The following ALAD variants were observed in gnomAD, a reference collection of about 807,000 sequenced individuals.
The protein encoded by ALAD is delta-aminolevulinic acid dehydratase.
ALAD carries 20 observed loss-of-function variants against 44.4 expected under a neutral mutation model. The observed-to-expected ratio is 0.45, with a 90% confidence interval of 0.32 to 0.65. The LOEUF is 0.65. Ranked by LOEUF, ALAD falls within the 30% of genes least tolerant of loss-of-function variation. The pLI is 0.05. For synonymous variants in ALAD, 156 were observed against 167.9 expected (o/e 0.93, Z 0.55); for missense variants, 323 against 445.7 (o/e 0.72, Z 2.48).
At chr9:113,397,620 C>CTTTTTTTTTTT (rs554533853) in intron 1 of ALAD, among the ~76,000 whole-genome samples, 1 of 108,780 alleles carries the variant, frequency 9.2e-6, no homozygotes, top group Non-Finnish European at 1.8e-5. Context: ...TTTTCCTTTT[C>CTTTTTTTTTTT]TTTTTTTTTT....
chr9:113,391,066 G>T, intron 4 of ALAD, 133 bp from the exon 5 acceptor site: 1 of 1,265,040 alleles, frequency 7.9e-7, no homozygotes, highest in Non-Finnish European at 1.1e-6. Context: ...AGGAAGCACA[G>T]AGGACTGACC....
At chr9:113,390,359 T>C (rs1339383696) in intron 7 of ALAD, 46 bp downstream of exon 7, 3 of 1,578,018 alleles carry the variant, frequency 1.9e-6, no homozygotes, top group Non-Finnish European at 1.7e-6. Context: ...GCAGGGCTGG[T>C]GCAGACTATC....
chr9:113,387,920 C>T lies in ALAD; in HGVS notation c.*380G>A, dbSNP rs1201757962. 1 of 322,540 alleles carries T rather than the reference C, an allele frequency of 3.1e-6. No homozygotes were observed. The highest frequency in any genetic ancestry group is 6.1e-6 in the Non-Finnish European group (1 of 163,500). The allele number at this position is 322,540 out of a possible 1,614,324, so 20.0% of individuals were successfully genotyped here. A position where few individuals can be genotyped will look rare whatever the true frequency, so the allele number is the denominator to read the frequency against. The stretch of plus-strand genomic sequence containing the variant: ...AGAAGCGTTCCAAGGCTTCTCAGGC[C>T]CCAAGATCCCACTGCTCTCTTCTTC... On this transcript the variant is annotated 3_prime_UTR_variant, in exon 12 of 12. Transcript: ENST00000409155.
rs977111158 is a variant in ALAD, at chr9:113,390,744, G to A, written c.397+54C>T. On this transcript the variant is annotated intron_variant, in intron 5 of 11. Transcript: ENST00000409155. ...TGGCCTGTCCCCACCCTGTTGAGAAGTGGGCAGTAGGAGTGTGGGTGGCAG... is the reference window on the plus strand; with the variant it reads ...TGGCCTGTCCCCACCCTGTTGAGAAATGGGCAGTAGGAGTGTGGGTGGCAG... The A allele has an allele frequency of 5.6e-6, 9 of 1,599,684 alleles. No individual in the cohort carries two copies. The African/African-American group carries it at 1.2e-4, about 21-fold the overall frequency.
At chr9:113,391,478 A>T in intron 4 of ALAD, 49 bp downstream of exon 4, 1 of 1,552,722 alleles carries the variant, frequency 6.4e-7, no homozygotes, top group Non-Finnish European at 8.9e-7. Context: ...TGCTGGGATT[A>T]CGGGCGTGAG....
intron 1 of ALAD, among the ~76,000 whole-genome samples, chr9:113,400,441 T>C (rs1447895984): frequency 6.6e-6 from 1 of 152,242 alleles, no homozygotes; most frequent in Non-Finnish European, 1.5e-5. Context: ...GTACAAATCC[T>C]AGTTCTGTAG....
intron 10 of ALAD, 111 bp downstream of exon 10, chr9:113,389,327 A>G (rs899109403): frequency 2.2e-6 from 3 of 1,371,506 alleles, no homozygotes; most frequent in Non-Finnish European, 3.1e-6. Context: ...AGGGAAGGGG[A>G]GGAGAGGATG....
At chr9:113,388,833 C>T in intron 11 of ALAD, 144 bp downstream of exon 11, 1 of 1,329,194 alleles carries the variant, frequency 7.5e-7, no homozygotes, top group African/African-American at 1.4e-5. Context: ...AGTTCCATAT[C>T]TCTTCCTCAG....
chr9:113,396,388 C>CA (rs11299029), intron 1 of ALAD: 21,729 of 91,826 alleles, frequency 0.24, 2,306 homozygotes, highest in Non-Finnish European at 0.28. Context: ...GACTCCATCT[C>CA]AAAAAAAAAA....
In ALAD at chr9:113,393,706, C is replaced by A. The variant is rs780947939; in HGVS notation, c.-75-72G>T. Reference sequence around the variant, plus strand: ...GGAGATGGTCACATCTGGAAAACAGCTCTTCTAGATTCCTGCCTCCCCTCT... The same window carrying A: ...GGAGATGGTCACATCTGGAAAACAGATCTTCTAGATTCCTGCCTCCCCTCT... On this transcript the variant is annotated intron_variant, in intron 1 of 11. Coordinates refer to ENST00000409155, the MANE Select transcript of ALAD (RefSeq NM_000031.6). 78 of 667,074 alleles carry A rather than the reference C, an allele frequency of 1.2e-4. No homozygotes were observed. In the Middle Eastern group the frequency reaches 1.2e-3, roughly 10 times the overall value. 41.3% of individuals were successfully genotyped at this position (667,074 alleles called of 1,614,324 possible).
At position 113,387,455 on chromosome 9, in the gene ALAD, T is replaced by C. The variant is rs1827427459; in HGVS notation, c.*845A>G. ...TTGTTGTCTCAGACCCCTTCTTTCCTTCAAAGCACTTATCACAATTTGTAA... is the reference window on the plus strand; with the variant it reads ...TTGTTGTCTCAGACCCCTTCTTTCCCTCAAAGCACTTATCACAATTTGTAA... On this transcript the variant is annotated 3_prime_UTR_variant, in exon 12 of 12. Transcript: ENST00000409155. 6.6e-6 allele frequency: 1 copy of C among 152,268 alleles called. No individual in the cohort carries two copies. Among genetic ancestry groups the C allele is most frequent in the African/African-American group, 2.4e-5 (1 of 41,460 alleles). The allele number at this position is 152,268 out of a possible 1,614,324, so 9.4% of individuals were successfully genotyped here. A position where few individuals can be genotyped will look rare whatever the true frequency, so the allele number is the denominator to read the frequency against.
At chr9:113,393,706 C>T (rs780947939) in intron 1 of ALAD, 72 bp from the exon 2 acceptor site, 2 of 667,074 alleles carry the variant, frequency 3.0e-6, no homozygotes, top group Admixed American at 2.3e-5. Flanking sequence ...TGGAAAACAG[C>T]TCTTCTAGAT....
intron 2 of ALAD, 116 bp downstream of exon 2, chr9:113,393,331 C>G: frequency 1.1e-6 from 1 of 920,880 alleles, no homozygotes; most frequent in South Asian, 1.4e-5. Context: ...GAATTTCAAG[C>G]TGACAGCTCA....
At chr9:113,395,540 T>A (rs775293990) in intron 1 of ALAD, among the ~76,000 whole-genome samples, 10 of 152,228 alleles carry the variant, frequency 6.6e-5, no homozygotes, top group Non-Finnish European at 1.3e-4. Context: ...AAAAATATGC[T>A]CCAAATGCCA....
At chr9:113,393,384 C>A (rs1026471094) in intron 2 of ALAD, 63 bp downstream of exon 2, 17 of 1,452,068 alleles carry the variant, frequency 1.2e-5, no homozygotes, top group South Asian at 2.3e-5. Flanking sequence ...CCAGTCAACA[C>A]TCCCTCCCCA....
chr9:113,399,289 G>A (rs1465869928), intron 1 of ALAD, among the ~76,000 whole-genome samples: 1 of 152,214 alleles, frequency 6.6e-6, no homozygotes, highest in Non-Finnish European at 1.5e-5. Flanking sequence ...GCACCAAGTA[G>A]CTGCACAGTA....
intron 1 of ALAD, among the ~76,000 whole-genome samples, chr9:113,399,554 T>C (rs530496884): frequency 2.6e-4 from 40 of 152,290 alleles, no homozygotes; most frequent in African/African-American, 9.4e-4. Flanking sequence ...GGACTGTGTC[T>C]CTGAGTCAAG....
At chr9:113,391,648 TGAAG>T (rs758374172) in intron 3 of ALAD, 25 bp from the exon 4 acceptor site, 106 of 1,595,522 alleles carry the variant, frequency 6.6e-5, no homozygotes, top group Non-Finnish European at 8.7e-5. Context: ...GTAGAGGGGT[TGAAG>T]GAAGGCAGGT....
At chr9:113,390,318 G>C in intron 7 of ALAD, 87 bp downstream of exon 7, 1 of 1,399,980 alleles carries the variant, frequency 7.1e-7, no homozygotes, top group Non-Finnish European at 1.0e-6. Context: ...CAACACGCCC[G>C]GCAGTTCTGT....
Sources: gnomAD v4.1 joint callset for allele counts (sites outside exome capture counted in the v4.1 genomes callset) on GRCh38, gnomAD v4.1.1 for gene constraint, MANE v1.5 for transcripts, NCBI Gene and HGNC (gene_info 2026-07-23, HGNC 2026-07-21) for gene names.